The following AGBL1 variants were observed in gnomAD, a reference collection of about 807,000 sequenced individuals.
AGBL1 encodes cytosolic carboxypeptidase 4.
In AGBL1, 130 loss-of-function variants were observed where a neutral mutation model predicts 118.9. The ratio of observed to expected loss-of-function variants is 1.09; its 90% CI spans 0.95 to 1.26. The LOEUF is 1.26. AGBL1 is among the 50% of genes most tolerant of loss of function. The probability of loss-of-function intolerance (pLI) is 0.00; values close to 1 mark genes in which losing one functional copy is unlikely to be tolerated. For missense variants in AGBL1, 1,584 were observed against 1,298.1 expected (o/e 1.22, Z -3.38); for synonymous variants, 555 against 478.9 (o/e 1.16, Z -2.08).
At chr15:86,114,305 A>T (rs1463496179) in intron 1 of AGBL1, among the ~76,000 whole-genome samples, 2 of 151,728 alleles carry the variant, frequency 1.3e-5, no homozygotes, top group Non-Finnish European at 2.9e-5. Flanking sequence ...GTGAGTCTGC[A>T]CTCTGCCTTG....
chr15:86,529,681 G>A (rs1231643032), intron 19 of AGBL1, among the ~76,000 whole-genome samples: 1 of 149,624 alleles, frequency 6.7e-6, no homozygotes, highest in Non-Finnish European at 1.5e-5. Flanking sequence ...TTGAAATGAA[G>A]GAAAAAATGT....
intron 22 of AGBL1, among the ~76,000 whole-genome samples, chr15:86,786,945 G>C (rs1480840776): frequency 2.0e-5 from 3 of 152,098 alleles, no homozygotes; most frequent in East Asian, 1.9e-4. Context: ...TGCCAAATTG[G>C]TCTGCAACTG....
chr15:86,275,557 A>AT (rs1441507696), intron 15 of AGBL1, among the ~76,000 whole-genome samples: 5 of 152,172 alleles, frequency 3.3e-5, no homozygotes, highest in Non-Finnish European at 7.3e-5. Flanking sequence ...TTTCCAGCAT[A>AT]TTTTTAAGTA....
At chr15:86,929,460 A>C (rs778831733) in intron 23 of AGBL1, among the ~76,000 whole-genome samples, 1 of 152,076 alleles carries the variant, frequency 6.6e-6, no homozygotes, top group Non-Finnish European at 1.5e-5. Context: ...TCCAATATCA[A>C]CTCAGAGGCC....
intron 5 of AGBL1, among the ~76,000 whole-genome samples, chr15:86,185,371 A>T (rs976225485): frequency 4.7e-4 from 71 of 152,342 alleles, no homozygotes; most frequent in African/African-American, 1.6e-3. Flanking sequence ...ATCTAGAACT[A>T]GAAATACCAT....
At chr15:86,920,293 G>T (rs2080470888), downstream of AGBL1, among the ~76,000 whole-genome samples, 1 of 152,128 alleles carries the variant, frequency 6.6e-6, no homozygotes, top group Non-Finnish European at 1.5e-5. Context: ...CCATTCCTTG[G>T]CCTGTGACAT....
chr15:86,518,777 C>T (rs1399803727), intron 18 of AGBL1, among the ~76,000 whole-genome samples: 2 of 151,734 alleles, frequency 1.3e-5, no homozygotes, highest in African/African-American at 4.8e-5. Context: ...TGAAGTATTC[C>T]AACTCTGTAC....
rs140661057 is a variant in AGBL1, at chr15:86,206,901, T to C, written c.489-18013T>C. ...GTCCTTGTCTATGCCTGTGTCCTGA[T>C]TGGTATTGCCTAAGTTTTCTTCTAG... On this transcript the variant is annotated intron_variant, in intron 5 of 22. Coordinates refer to ENST00000614907, the MANE Select transcript of AGBL1 (RefSeq NM_001386094.1). Among the ~76,000 whole-genome samples, 1,243 of 152,274 alleles carry C rather than the reference T, an allele frequency of 8.2e-3. 15 individuals carry two copies. Among genetic ancestry groups the C allele is most frequent in the African/African-American group, 0.029 (1,200 of 41,574 alleles).
rs187173716 is a variant in AGBL1, at chr15:86,192,897, A to G, written c.489-32017A>G. 2.2e-4 allele frequency among the ~76,000 whole-genome samples: 33 copies of G among 152,324 alleles called. No homozygotes were observed. The South Asian group carries it at 5.4e-3, about 25-fold the overall frequency. The stretch of plus-strand genomic sequence containing the variant: ...GAAATATACACACATATATAATCTT[A>G]TTTAGTGATCTGTCCATTATGCATC... On this transcript the variant is annotated intron_variant, in intron 5 of 22. Coordinates refer to ENST00000614907, the MANE Select transcript of AGBL1 (RefSeq NM_001386094.1).
chr15:86,542,155 G>A (rs1471924826), intron 19 of AGBL1, among the ~76,000 whole-genome samples: 1 of 152,178 alleles, frequency 6.6e-6, no homozygotes, highest in Non-Finnish European at 1.5e-5. Flanking sequence ...AGATTCCAGA[G>A]CTTTGCTGGC....
intron 22 of AGBL1, among the ~76,000 whole-genome samples, chr15:86,779,408 A>G (rs541854260): frequency 1.4e-4 from 22 of 152,344 alleles, no homozygotes; most frequent in Middle Eastern, 3.4e-3. Context: ...ACAGTATTCC[A>G]TTGTGTGAAT....
intron 3 of AGBL1, among the ~76,000 whole-genome samples, chr15:86,149,929 C>A (rs568378945): frequency 5.3e-4 from 81 of 152,322 alleles, no homozygotes; most frequent in African/African-American, 1.9e-3. Flanking sequence ...CAAACTGTCT[C>A]TCAGACCACA....
chr15:86,242,997 AATTCACT>A (rs1421611467), intron 6 of AGBL1, among the ~76,000 whole-genome samples: 1 of 152,182 alleles, frequency 6.6e-6, no homozygotes, highest in African/African-American at 2.4e-5. Flanking sequence ...CTAGGCAGGT[AATTCACT>A]TCTGAAGGAG....
At chr15:86,413,804 T>A (rs1264705522) in intron 18 of AGBL1, among the ~76,000 whole-genome samples, 1 of 152,142 alleles carries the variant, frequency 6.6e-6, no homozygotes, top group Non-Finnish European at 1.5e-5. Flanking sequence ...TTGCAAATAT[T>A]TTTTCCCATT....
intron 17 of AGBL1, among the ~76,000 whole-genome samples, chr15:86,377,714 G>A (rs1991670): frequency 0.21 from 31,840 of 152,042 alleles, 4,183 homozygotes; most frequent in East Asian, 0.61. Flanking sequence ...GGCCGCCCTC[G>A]TCCAGGTGGG....
intron 4 of AGBL1, among the ~76,000 whole-genome samples, chr15:86,155,247 C>T (rs775922705): frequency 2.0e-5 from 3 of 152,196 alleles, no homozygotes; most frequent in South Asian, 4.1e-4. Flanking sequence ...GTGGTCAGAT[C>T]GCTTGAGCCC....
intron 21 of AGBL1, among the ~76,000 whole-genome samples, chr15:86,636,728 T>TACAC (rs2085096908): frequency 2.2e-5 from 1 of 45,972 alleles, no homozygotes; most frequent in African/African-American, 1.0e-4. Context: ...TATATATATA[T>TACAC]ATATATATAT....
intron 22 of AGBL1, among the ~76,000 whole-genome samples, chr15:86,813,160 C>T (rs1221814691): frequency 3.3e-5 from 5 of 151,582 alleles, no homozygotes; most frequent in Non-Finnish European, 7.4e-5. Context: ...CACATGGGAC[C>T]TTCAGGCTGA....
At chr15:86,247,914 G>T (rs771637455) in intron 7 of AGBL1, 35 bp downstream of exon 7, 3 of 1,601,120 alleles carry the variant, frequency 1.9e-6, no homozygotes, top group Non-Finnish European at 2.6e-6. Flanking sequence ...GCAGCTGGAG[G>T]CCAGCTGGGT....
Sources: gnomAD v4.1 joint callset for allele counts (sites outside exome capture counted in the v4.1 genomes callset) on GRCh38, gnomAD v4.1.1 for gene constraint, MANE v1.5 for transcripts, NCBI Gene and HGNC (gene_info 2026-07-23, HGNC 2026-07-21) for gene names.